The following RPL36AL variants were observed in gnomAD, a reference collection of about 807,000 sequenced individuals.
RPL36AL encodes the protein ribosomal protein L36a like.
A neutral mutation model predicts 7.9 loss-of-function variants in RPL36AL; 8 were observed. The ratio of observed to expected loss-of-function variants is 1.02; its 90% CI spans 0.60 to 1.84. The LOEUF (loss-of-function observed/expected upper bound fraction) is 1.84. RPL36AL is among the 40% of genes most tolerant of loss of function. RPL36AL has a pLI of 0.00. For synonymous variants in RPL36AL, 44 were observed against 44.8 expected, an observed-to-expected ratio of 0.98 and a Z score of 0.07; for missense variants, 76 against 126.8, an observed-to-expected ratio of 0.60 and a Z score of 1.93.
At chr14:49,620,231 G>A (rs1170025188) in intron 1 of RPL36AL, among the ~76,000 whole-genome samples, 1 of 151,750 alleles carries the variant, frequency 6.6e-6, no homozygotes, top group Non-Finnish European at 1.5e-5. Context: ...GAGAATGGCT[G>A]GGGCAGCGCG....
chr14:49,619,816 G>C (rs1882780436), intron 1 of RPL36AL, among the ~76,000 whole-genome samples: 1 of 152,108 alleles, frequency 6.6e-6, no homozygotes, highest in Non-Finnish European at 1.5e-5. Flanking sequence ...AATAACACAA[G>C]CGATTGATTG....
rs568414400 is a variant in RPL36AL at position 49,620,581 on chromosome 14, C to T, written c.-56G>A. On this transcript the variant is annotated 5_prime_UTR_variant, in exon 1 of 2. The change creates a new upstream start codon in the 5' untranslated region. Coordinates refer to ENST00000298289, the MANE Select transcript of RPL36AL (RefSeq NM_001001.5). The stretch of plus-strand genomic sequence containing the variant: ...GCTTACCGAGAAACAGCGCCCGACA[C>T]CTGGCCCTTCGCAGCTCTCGCCTTT... 1 of 198,546 alleles carries T rather than the reference C, an allele frequency of 5.0e-6. No individual in the cohort carries two copies. The highest frequency in any genetic ancestry group is 1.4e-4 in the East Asian group (1 of 7,196). The allele number at this position is 198,546 out of a possible 1,614,324, so 12.3% of individuals were successfully genotyped here.
intron 1 of RPL36AL, 146 bp downstream of exon 1, chr14:49,620,416 T>C (rs960494899): frequency 2.6e-5 from 4 of 152,554 alleles, no homozygotes; most frequent in Admixed American, 6.5e-5. Context: ...GAGACCTTTT[T>C]CCTGAAGGGA....
rs751540308 is a variant in RPL36AL, at chr14:49,618,841, G to A, written c.264C>T (p.Cys88=). The A allele has an allele frequency of 1.2e-6, 2 of 1,612,232 alleles. No homozygotes were observed. The highest frequency in any genetic ancestry group is 1.7e-6 in the Non-Finnish European group (2 of 1,179,786). Residue 88 remains cysteine (C), a synonymous_variant, in exon 2 of 2, where the codon TGC becomes TGT. Transcript: ENST00000298289. ...RSKRMLAIKR[C]KHFELGGDKK... ...TATCTCCTCCCAGTTCAAAATGCTT[G>A]CATCTCTTAATGGCCAGCATCCTCT... is the stretch of plus-strand genomic sequence containing the variant.
intron 1 of RPL36AL, among the ~76,000 whole-genome samples, chr14:49,619,677 A>C (rs1269331615): frequency 2.6e-5 from 4 of 152,164 alleles, no homozygotes; most frequent in African/African-American, 9.7e-5. Context: ...TAGAATGTTT[A>C]TTTGGGGCAA....
rs1882754631 is a variant in RPL36AL, at chr14:49,619,143, G to C, written c.-36-3C>G. On this transcript the variant is annotated splice_region_variant and splice_polypyrimidine_tract_variant and intron_variant, in intron 1 of 1. Transcript: ENST00000298289. ...CTGTTTTGTCTATATGATGAAAACTGTAGTAAAATATTTAAAATAAGATAG... is the reference window on the plus strand; with the variant it reads ...CTGTTTTGTCTATATGATGAAAACTCTAGTAAAATATTTAAAATAAGATAG... The C allele has an allele frequency of 1.3e-6, 2 of 1,526,752 alleles. No homozygotes were observed. The highest frequency in any genetic ancestry group is 2.8e-5 in the African/African-American group (2 of 71,988). The allele number at this position is 1,526,752 out of a possible 1,614,324, so 94.6% of individuals were successfully genotyped here.
At chr14:49,619,459 C>A (rs536543000) in intron 1 of RPL36AL, among the ~76,000 whole-genome samples, 1 of 152,192 alleles carries the variant, frequency 6.6e-6, no homozygotes, top group South Asian at 2.1e-4. Context: ...ACCAGCCTGA[C>A]CAACATGGAG....
chr14:49,619,299 T>C (rs1050464908), intron 1 of RPL36AL, among the ~76,000 whole-genome samples, 159 bp from the exon 2 acceptor site: 1 of 152,202 alleles, frequency 6.6e-6, no homozygotes, highest in African/African-American at 2.4e-5. Context: ...TACAAGTACA[T>C]ACCTTTTTGA....
chr14:49,619,075 G>C lies in RPL36AL; in HGVS notation c.30C>G (p.Thr10=), dbSNP rs1594597042. 1.2e-6 allele frequency: 2 copies of C among 1,612,126 alleles called. No individual in the cohort carries two copies. The highest frequency in any genetic ancestry group is 1.1e-5 in the South Asian group (1 of 91,044). ...GATGCTTGCCACACTTCTTACAGAA[G>C]GTTCTTCGGGTTTTAGGTACGTTGA... The part of the protein sequence containing the change: MVNVPKTRR[T]FCKKCGKHQP... Residue 10 remains threonine (T), a synonymous_variant, in exon 2 of 2, where the codon ACC becomes ACG. Transcript: ENST00000298289.
intron 1 of RPL36AL, among the ~76,000 whole-genome samples, chr14:49,620,076 T>C (rs949521321): frequency 6.6e-6 from 1 of 152,184 alleles, no homozygotes; most frequent in African/African-American, 2.4e-5. Context: ...ATACAGTCCG[T>C]TTTCCGTACG....
At chr14:49,619,606 G>A (rs1363656644) in intron 1 of RPL36AL, among the ~76,000 whole-genome samples, 1 of 151,650 alleles carries the variant, frequency 6.6e-6, no homozygotes, top group African/African-American at 2.4e-5. Flanking sequence ...CTCCAGCCTG[G>A]GCAACAACAG....
chr14:49,618,946 C>T lies in RPL36AL; in HGVS notation c.159G>A (p.Lys53=), dbSNP rs770553464. ...RKQSGYGGQT[K]PIFRKKAKTT... Reference sequence around the variant, plus strand: ...TCTTAGCCTTCTTCCGGAAAATTGGCTTTGTCTGCCCACCATAGCCACTCT... The same window carrying T: ...TCTTAGCCTTCTTCCGGAAAATTGGTTTTGTCTGCCCACCATAGCCACTCT... The change falls in exon 2 of 2, where the codon AAG becomes AAA. Residue 53 remains lysine, a synonymous_variant. Coordinates refer to ENST00000298289, the MANE Select transcript of RPL36AL (RefSeq NM_001001.5). 6.6e-5 allele frequency: 106 copies of T among 1,613,750 alleles called. No homozygotes were observed. The highest frequency in any genetic ancestry group is 2.3e-4 in the Admixed American group (14 of 59,990).
At chr14:49,619,636 A>G (rs372566780) in intron 1 of RPL36AL, among the ~76,000 whole-genome samples, 1 of 95,178 alleles carries the variant, frequency 1.1e-5, no homozygotes, top group African/African-American at 3.9e-5. Flanking sequence ...GTCTCAAAAA[A>G]AAAAAAGAAC....
chr14:49,619,439 G>A (rs1406820823), intron 1 of RPL36AL, among the ~76,000 whole-genome samples: 2 of 152,132 alleles, frequency 1.3e-5, no homozygotes, highest in African/African-American at 4.8e-5. Context: ...CCTGAGGTCC[G>A]GAGTTCGAGA....
chr14:49,620,230 T>C (rs1882793023), intron 1 of RPL36AL, among the ~76,000 whole-genome samples: 1 of 151,828 alleles, frequency 6.6e-6, no homozygotes, highest in South Asian at 2.1e-4. Context: ...AGAGAATGGC[T>C]GGGGCAGCGC....
intron 1 of RPL36AL, among the ~76,000 whole-genome samples, chr14:49,619,553 G>C (rs978345308): frequency 6.6e-6 from 1 of 152,140 alleles, no homozygotes; most frequent in Non-Finnish European, 1.5e-5. Context: ...GGGCGGGGTG[G>C]GGAGGGGCGG....
chr14:49,619,228 C>T, intron 1 of RPL36AL, 88 bp from the exon 2 acceptor site: 1 of 772,198 alleles, frequency 1.3e-6, no homozygotes, highest in Non-Finnish European at 2.1e-6. Context: ...GAAAACCGTA[C>T]ACATAAATGA....
rs760720503 is a variant in RPL36AL, at chr14:49,619,130, T to C, written c.-26A>G. On this transcript the variant is annotated 5_prime_UTR_variant, in exon 2 of 2. It adds an upstream start codon to the 5' untranslated region. Coordinates refer to ENST00000298289, the MANE Select transcript of RPL36AL (RefSeq NM_001001.5). ...CTTTGCAGCAGGGCTGTTTTGTCTA[T>C]ATGATGAAAACTGTAGTAAAATATT... 1.3e-6 allele frequency: 2 copies of C among 1,568,770 alleles called. No individual in the cohort carries two copies. The highest frequency in any genetic ancestry group is 1.7e-6 in the Non-Finnish European group (2 of 1,157,108).
In RPL36AL at chr14:49,618,814, C is replaced by T. The variant is rs762494914; in HGVS notation, c.291G>A (p.Lys97=). The T allele has an allele frequency of 2.7e-5, 44 of 1,612,028 alleles. No homozygotes were observed. The highest frequency in any genetic ancestry group is 3.3e-5 in the Non-Finnish European group (39 of 1,179,814). Residue 97 remains lysine, a synonymous_variant, in exon 2 of 2, where the codon AAG becomes AAA. Transcript: ENST00000298289. Reference sequence around the variant, plus strand: ...ACTGGATCACTTGGCCCTTTCTCTTCTTATCTCCTCCCAGTTCAAAATGCT... The same window carrying T: ...ACTGGATCACTTGGCCCTTTCTCTTTTTATCTCCTCCCAGTTCAAAATGCT... ...RCKHFELGGD[K]KRKGQVIQF is the part of the protein sequence containing the mutation.
Sources: allele counts gnomAD v4.1 joint callset (sites outside exome capture counted in the v4.1 genomes callset), GRCh38; gene constraint gnomAD v4.1.1; transcripts MANE v1.5; gene names NCBI Gene and HGNC (gene_info 2026-07-23, HGNC 2026-07-21).